Variants in CTR9 observed in about 807,000 individuals in gnomAD.
CTR9 encodes the protein CTR9 component of Paf1/RNA polymerase II complex.
A neutral mutation model predicts 152.1 loss-of-function variants in CTR9; 41 were observed. The ratio of observed to expected loss-of-function variants is 0.27; its 90% confidence interval spans 0.21 to 0.35. The LOEUF (loss-of-function observed/expected upper bound fraction) is 0.35, where lower values mean the gene tolerates loss of function less well. Among genes scored for constraint, CTR9 ranks in the 10% least tolerant of loss-of-function variants. The pLI is 1.00. For synonymous variants in CTR9, 476 were observed against 496.2 expected (o/e 0.96, Z 0.54); for missense variants, 917 against 1,424.4 (o/e 0.64, Z 5.73).
At chr11:10,757,122 A>C (rs1223536046) in intron 5 of CTR9, among the ~76,000 whole-genome samples, 1 of 151,586 alleles carries the variant, frequency 6.6e-6, no homozygotes, top group Non-Finnish European at 1.5e-5. Context: ...CTGTCTCTAC[A>C]AAAAATAAAA....
At position 10,755,740 on chromosome 11, in the gene CTR9, T is replaced by C; in HGVS notation, c.447T>C (p.Asp149=). 1 of 1,613,670 alleles carries C rather than the reference T, an allele frequency of 6.2e-7. No individual in the cohort carries two copies. Residue 149 remains aspartate (D), a synonymous_variant, in exon 4 of 25, where the codon GAT becomes GAC. Coordinates refer to ENST00000361367, the MANE Select transcript of CTR9 (RefSeq NM_014633.5). ...LLEGDKMDQA[D]AQFHFVLNQS... ...AGGGTGACAAAATGGATCAAGCTGA[T>C]GCACAGTTTCATTTTGTACTCAATC... is the stretch of plus-strand genomic sequence containing the variant.
rs1270619229 is a variant in CTR9 at position 10,775,471 on chromosome 11, T to C, written c.2983-50T>C. 6 of 1,493,290 alleles carry C rather than the reference T, an allele frequency of 4.0e-6. No individual in the cohort carries two copies. The East Asian group carries it at 7.0e-5, about 17-fold the overall frequency. The allele number at this position is 1,493,290 out of a possible 1,614,324, so 92.5% of individuals were successfully genotyped here. On this transcript the variant is annotated intron_variant, in intron 23 of 24. Transcript: ENST00000361367. ...GTAATGCAAACCCAATTTAACAAGA[T>C]GGCCTAATGTAAGAGTCTTGACTAA... is the stretch of plus-strand genomic sequence containing the variant.
chr11:10,769,443 A>T (rs992809450), intron 16 of CTR9, among the ~76,000 whole-genome samples: 4 of 152,168 alleles, frequency 2.6e-5, no homozygotes, highest in African/African-American at 9.7e-5. Context: ...GGCTCCTGAG[A>T]AGTGGTTTAC....
In CTR9 at chr11:10,755,813, A is replaced by G. The variant is rs755436504; in HGVS notation, c.502+18A>G. The G allele has an allele frequency of 6.8e-7, 1 of 1,473,710 alleles. No individual in the cohort carries two copies. Among genetic ancestry groups the G allele is most frequent in the African/African-American group, 1.4e-5 (1 of 71,728 alleles). 91.3% of individuals were successfully genotyped at this position (1,473,710 alleles called of 1,614,324 possible). ...CCTTCTTGGTAAGTGGTCTTTGGCA[A>G]CATGTTAGGAAACAGTTGTTTTCAG... On this transcript the variant is annotated intron_variant, in intron 4 of 24. Coordinates refer to ENST00000361367, the MANE Select transcript of CTR9 (RefSeq NM_014633.5).
chr11:10,769,145 C>T (rs1231639191), intron 16 of CTR9, among the ~76,000 whole-genome samples: 1 of 152,088 alleles, frequency 6.6e-6, no homozygotes, highest in African/African-American at 2.4e-5. Flanking sequence ...TTGCTTGAAC[C>T]TGGGAGGCAG....
chr11:10,769,187 A>C (rs1348686612), intron 16 of CTR9, among the ~76,000 whole-genome samples: 1 of 152,080 alleles, frequency 6.6e-6, no homozygotes, highest in East Asian at 1.9e-4. Context: ...CTGCCACTGC[A>C]CTCTAGCCTG....
At chr11:10,766,678 T>A (rs1158780832) in intron 13 of CTR9, among the ~76,000 whole-genome samples, 188 bp downstream of exon 13, 1 of 152,190 alleles carries the variant, frequency 6.6e-6, no homozygotes, top group African/African-American at 2.4e-5. Context: ...AGGGACCATG[T>A]TTTTTTATGT....
intron 1 of CTR9, among the ~76,000 whole-genome samples, chr11:10,752,393 T>G (rs562107536): frequency 6.6e-6 from 1 of 152,222 alleles, no homozygotes; most frequent in African/African-American, 2.4e-5. Context: ...GGATTTTGTT[T>G]TGTTATTTTT....
At position 10,756,796 on chromosome 11, in the gene CTR9, G is replaced by T; in HGVS notation, c.550G>T (p.Ala184Ser). The change falls in exon 5 of 25, where the codon GCT (alanine) becomes TCT (serine). Residue 184 changes from alanine to serine, a missense_variant. Physicochemically the swap from Ala to Ser is moderately conservative, Grantham distance 99 (BLOSUM62 1). Around this residue, in one of 9 missense-constraint regions of CTR9, gnomAD observed 110 missense variants for 149.5 expected, o/e 0.74. Transcript: ENST00000361367. ...FNKKDYRGAL[A>S]YYKKALRTNP... ...CAAGAAGGATTACAGAGGAGCTCTT[G>T]CTTACTATAAGAAAGCATTGCGTAC... The T allele has an allele frequency of 6.2e-7, 1 of 1,612,240 alleles. No individual in the cohort carries two copies. Among genetic ancestry groups the T allele is most frequent in the Non-Finnish European group, 8.5e-7 (1 of 1,179,508 alleles).
intron 24 of CTR9, among the ~76,000 whole-genome samples, chr11:10,778,027 C>T (rs1259447683): frequency 6.6e-6 from 1 of 152,156 alleles, no homozygotes; most frequent in Non-Finnish European, 1.5e-5. Flanking sequence ...CCTTTCCTTT[C>T]ACTTATCAAC....
At chr11:10,756,463 C>G (rs1426351988) in intron 4 of CTR9, among the ~76,000 whole-genome samples, 1 of 152,138 alleles carries the variant, frequency 6.6e-6, no homozygotes, top group Non-Finnish European at 1.5e-5. Flanking sequence ...TCCATGTGTT[C>G]TCATCATTTA....
chr11:10,757,358 GGTAGAA>G (rs1862901896), intron 5 of CTR9, among the ~76,000 whole-genome samples: 1 of 151,246 alleles, frequency 6.6e-6, no homozygotes, highest in Non-Finnish European at 1.5e-5. Context: ...GGGAGGGTGA[GGTAGAA>G]GGATTGCTTG....
At chr11:10,756,040 C>T (rs896771396) in intron 4 of CTR9, among the ~76,000 whole-genome samples, 4 of 152,170 alleles carry the variant, frequency 2.6e-5, no homozygotes, top group Admixed American at 6.5e-5. Context: ...GACCCTGTCT[C>T]GTTATACCTG....
At chr11:10,752,887 A>G (rs1564963979) in intron 2 of CTR9, 117 bp downstream of exon 2, 3 of 739,216 alleles carry the variant, frequency 4.1e-6, no homozygotes, top group South Asian at 1.7e-5. Flanking sequence ...TACCATGTGT[A>G]TGGAAGTTAA....
chr11:10,778,835 C>G lies in CTR9; in HGVS notation c.3252C>G (p.Asp1084Glu). Residue 1084 changes from aspartate (D) to glutamate (E), a missense_variant, in exon 25 of 25, where the codon GAC becomes GAG. Asp to Glu is a conservative substitution (Grantham distance 45). This residue lies in a region of CTR9 where 384 missense variants were observed against 398.4 expected (regional missense o/e 0.96). Transcript: ENST00000361367. ...CACGAAGACAGCGGTCAGATCAGGA[C>G]TCAGACAGTGACCAGCCATCCAGAA... is the stretch of plus-strand genomic sequence containing the variant. ...RRPRRQRSDQ[D>E]SDSDQPSRKR... 1 of 1,614,226 alleles carries G rather than the reference C, an allele frequency of 6.2e-7. No individual in the cohort carries two copies. Among genetic ancestry groups the G allele is most frequent in the Non-Finnish European group, 8.5e-7 (1 of 1,180,048 alleles).
At chr11:10,759,548 G>A (rs1451529656) in intron 5 of CTR9, among the ~76,000 whole-genome samples, 1 of 152,184 alleles carries the variant, frequency 6.6e-6, no homozygotes, top group Non-Finnish European at 1.5e-5. Flanking sequence ...AGACATGATC[G>A]ACAACTGGAA....
rs138871050 is a variant in CTR9 at position 10,778,827 on chromosome 11, G to A, written c.3244G>A (p.Asp1082Asn). ...CCGGAGGCCACGAAGACAGCGGTCA[G>A]ATCAGGACTCAGACAGTGACCAGCC... ...SPRRPRRQRS[D>N]QDSDSDQPSR... The change falls in exon 25 of 25, where the codon GAT (aspartate) becomes AAT (asparagine). Residue 1082 changes from aspartate to asparagine, a missense_variant. This residue lies in a region of CTR9 where 384 missense variants were observed against 398.4 expected (regional missense o/e 0.96). Transcript: ENST00000361367. The A allele has an allele frequency of 7.2e-5, 116 of 1,614,134 alleles. No individual in the cohort carries two copies. Among genetic ancestry groups the A allele is most frequent in the Non-Finnish European group, 9.7e-5 (114 of 1,180,054 alleles).
At position 10,767,922 on chromosome 11, in the gene CTR9, C is replaced by G; in HGVS notation, c.1803C>G (p.Thr601=). 1.2e-6 allele frequency: 2 copies of G among 1,614,104 alleles called. No individual in the cohort carries two copies. The highest frequency in any genetic ancestry group is 8.5e-7 in the Non-Finnish European group (1 of 1,179,980). The change falls in exon 14 of 25, where the codon ACC becomes ACG. Residue 601 remains threonine (T), a synonymous_variant. Transcript: ENST00000361367. The surrounding 1 kb of genome is among the most constrained non-coding windows in gnomAD (Gnocchi z 4.0). ...ILKQPSTQSD[T]YSMLALGNVW... is the part of the protein sequence containing the mutation. ...AACAGCCATCCACACAGAGTGATAC[C>G]TATTCTATGCTAGCCCTTGGCAACG...
At position 10,774,290 on chromosome 11, in the gene CTR9, T is replaced by C. The variant is rs555657668; in HGVS notation, c.2885+121T>C. 12 of 1,218,882 alleles carry C rather than the reference T, an allele frequency of 9.8e-6. No individual in the cohort carries two copies. The South Asian group carries it at 1.5e-4, about 16-fold the overall frequency. The allele number at this position is 1,218,882 out of a possible 1,614,324, so 75.5% of individuals were successfully genotyped here. On this transcript the variant is annotated intron_variant, in intron 22 of 24. Transcript: ENST00000361367. ...TTGATCCAAACAGTGAAGCTTTTTG[T>C]GCCCCCACTTCCTACTTTAATCCTA...
Sources: allele counts gnomAD v4.1 joint callset (sites outside exome capture counted in the v4.1 genomes callset), GRCh38; gene constraint gnomAD v4.1.1; regional missense constraint gnomAD v4.1.1; non-coding constraint Gnocchi (gnomAD v3.1); transcripts MANE v1.5; gene names NCBI Gene and HGNC (gene_info 2026-07-23, HGNC 2026-07-21).